The following WWP2 variants were observed in gnomAD, a reference collection of about 807,000 sequenced individuals.
The protein encoded by WWP2 is NEDD4-like E3 ubiquitin-protein ligase WWP2.
Under a neutral mutation model 121.0 loss-of-function variants are expected in WWP2, and 57 were observed. The observed-to-expected ratio is 0.47, with a 90% confidence interval of 0.38 to 0.59. WWP2 has a LOEUF of 0.59. Among genes scored for constraint, WWP2 ranks in the 20% least tolerant of loss-of-function variants. The pLI is 0.00. For synonymous variants in WWP2, 449 were observed against 441.3 expected (o/e 1.02, Z -0.22); for missense variants, 962 against 1,158.9 (o/e 0.83, Z 2.47).
chr16:69,770,970 T>TAA (rs397942280), intron 1 of WWP2, among the ~76,000 whole-genome samples: 27 of 135,364 alleles, frequency 2.0e-4, no homozygotes, highest in Admixed American at 1.0e-3. Context: ...CTGTCTCTAT[T>TAA]AAAAAAAAAA....
chr16:69,796,483 G>A (rs181097435), intron 2 of WWP2, among the ~76,000 whole-genome samples: 4 of 152,346 alleles, frequency 2.6e-5, no homozygotes, highest in Admixed American at 1.3e-4. Flanking sequence ...CTGTGATCAC[G>A]TGGCTGACTG....
intron 23 of WWP2, 35 bp downstream of exon 23, chr16:69,939,448 C>T (rs1241833711): frequency 6.2e-7 from 1 of 1,610,314 alleles, no homozygotes; most frequent in Non-Finnish European, 8.5e-7. Context: ...GGTCGGGGGG[C>T]CTCAGACCCG....
chr16:69,797,787 G>T (rs1294323553), intron 2 of WWP2, among the ~76,000 whole-genome samples: 1 of 152,058 alleles, frequency 6.6e-6, no homozygotes, highest in Non-Finnish European at 1.5e-5. Context: ...TACTCAGGAG[G>T]CTAAGGCAGG....
At position 69,859,370 on chromosome 16, in the gene WWP2, T is replaced by C. The variant is rs115266115; in HGVS notation, c.576-12434T>C. ...GAGTTTGAGACCAGCCTAAGCAACA[T>C]AGCCAAACCCCATCTCAACAAAAAA... is the stretch of plus-strand genomic sequence containing the variant. On this transcript the variant is annotated intron_variant, in intron 6 of 23. Transcript: ENST00000359154. 9.8e-3 allele frequency among the ~76,000 whole-genome samples: 1,487 copies of C among 152,030 alleles called. 30 individuals carry two copies. Among genetic ancestry groups the C allele is most frequent in the African/African-American group, 0.033 (1,348 of 41,446 alleles).
At chr16:69,859,879 C>A (rs1377403200) in intron 6 of WWP2, among the ~76,000 whole-genome samples, 1 of 150,960 alleles carries the variant, frequency 6.6e-6, no homozygotes, top group Non-Finnish European at 1.5e-5. Flanking sequence ...ACCCCCGCCC[C>A]GCCCGATGAT....
At chr16:69,823,151 CA>C (rs2151847339) in intron 4 of WWP2, among the ~76,000 whole-genome samples, 1 of 152,192 alleles carries the variant, frequency 6.6e-6, no homozygotes, top group South Asian at 2.1e-4. Flanking sequence ...AAAGTAAAAA[CA>C]AAAACACAGG....
intron 4 of WWP2, among the ~76,000 whole-genome samples, chr16:69,815,060 T>C (rs1231139145): frequency 1.3e-5 from 2 of 152,190 alleles, no homozygotes; most frequent in Non-Finnish European, 2.9e-5. Context: ...TGGGGTGTAG[T>C]GGGACGATCT....
intron 3 of WWP2, 93 bp downstream of exon 3, chr16:69,798,922 C>A: frequency 6.5e-7 from 1 of 1,528,130 alleles, no homozygotes; most frequent in Non-Finnish European, 8.8e-7. Context: ...TTCCCTGTGG[C>A]ACCTCCGACT....
At chr16:69,939,145 G>T (rs995304652) in intron 22 of WWP2, 22 bp downstream of exon 22, 4 of 1,584,046 alleles carry the variant, frequency 2.5e-6, no homozygotes, top group Non-Finnish European at 3.4e-6. Flanking sequence ...CTCGCCCTCT[G>T]GCGTCCTGGC....
At chr16:69,861,857 A>T (rs911832638) in intron 6 of WWP2, among the ~76,000 whole-genome samples, 1 of 151,086 alleles carries the variant, frequency 6.6e-6, no homozygotes, top group South Asian at 2.1e-4. Context: ...GCTCCACTGA[A>T]TTTTTTTTTC....
intron 1 of WWP2, among the ~76,000 whole-genome samples, chr16:69,786,267 C>A: frequency 6.6e-6 from 1 of 151,476 alleles, no homozygotes; most frequent in African/African-American, 2.4e-5. Flanking sequence ...CCTCACCCTC[C>A]TGAGTAGCTG....
intron 6 of WWP2, among the ~76,000 whole-genome samples, chr16:69,860,096 G>T (rs1238547038): frequency 6.6e-6 from 1 of 152,052 alleles, no homozygotes; most frequent in African/African-American, 2.4e-5. Context: ...AGCACTTTGG[G>T]AGGCCGAGGT....
chr16:69,870,798 G>A (rs1370580407), intron 6 of WWP2, among the ~76,000 whole-genome samples: 1 of 152,212 alleles, frequency 6.6e-6, no homozygotes, highest in Non-Finnish European at 1.5e-5. Flanking sequence ...CCGAAGGACA[G>A]GGAGGCTTAG....
At chr16:69,787,230 A>G in intron 2 of WWP2, 150 bp downstream of exon 2, 1 of 556,758 alleles carries the variant, frequency 1.8e-6, no homozygotes, top group Non-Finnish European at 3.0e-6. Flanking sequence ...TGTAGCTGTA[A>G]TTCTTGAAGA....
chr16:69,909,172 GC>G, intron 9 of WWP2: 1 of 1,034,316 alleles, frequency 9.7e-7, no homozygotes, highest in Middle Eastern at 4.8e-4. Flanking sequence ...TGAGAATGCC[GC>G]CAAGTTATCC....
At chr16:69,794,473 G>A (rs987527173) in intron 2 of WWP2, among the ~76,000 whole-genome samples, 15 of 151,988 alleles carry the variant, frequency 9.9e-5, no homozygotes, top group African/African-American at 3.4e-4. Context: ...AGGCTGCAGC[G>A]AGATGAGATT....
chr16:69,909,512 C>T (rs1040842051), intron 9 of WWP2: 1 of 985,348 alleles, frequency 1.0e-6, no homozygotes, highest in African/African-American at 1.7e-5. Flanking sequence ...CCCACCTCAT[C>T]TTCTGGTCCC....
intron 1 of WWP2, among the ~76,000 whole-genome samples, chr16:69,781,610 G>A (rs1173860645): frequency 1.3e-5 from 2 of 152,002 alleles, no homozygotes; most frequent in African/African-American, 2.4e-5. Context: ...TCAGCCTCCC[G>A]AAGTGCTGGG....
intron 4 of WWP2, among the ~76,000 whole-genome samples, chr16:69,822,677 GAAC>G (rs1044752220): frequency 6.6e-6 from 1 of 152,124 alleles, no homozygotes; most frequent in African/African-American, 2.4e-5. Context: ...TAGGTGGAGG[GAAC>G]AGCATGTGGG....
Sources: allele counts gnomAD v4.1 joint callset (sites outside exome capture counted in the v4.1 genomes callset), GRCh38; gene constraint gnomAD v4.1.1; transcripts MANE v1.5; gene names NCBI Gene and HGNC (gene_info 2026-07-23, HGNC 2026-07-21).